Variants in SPATA6 observed in about 807,000 individuals in gnomAD.
The protein encoded by SPATA6 is spermatogenesis-associated protein 6.
Under a neutral mutation model 65.3 loss-of-function variants are expected in SPATA6, and 56 were observed. The ratio of observed to expected loss-of-function variants is 0.86; its 90% CI spans 0.69 to 1.07. The LOEUF is 1.07. SPATA6 is among the 50% of genes least tolerant of loss of function. The probability of loss-of-function intolerance (pLI) is 0.00; values close to 1 mark genes in which losing one functional copy is unlikely to be tolerated. For synonymous variants in SPATA6, 199 were observed against 213.2 expected, an observed-to-expected ratio of 0.93 and a Z score of 0.58; for missense variants, 590 against 594.8, an observed-to-expected ratio of 0.99 and a Z score of 0.08.
rs988871565 is a variant in SPATA6 at position 48,322,955 on chromosome 1, C to A, written c.1195-17077G>T. On this transcript the variant is annotated intron_variant, in intron 11 of 12. Coordinates refer to ENST00000371847, the MANE Select transcript of SPATA6 (RefSeq NM_019073.4). ...GGAGAGGATGTAGAGAAATAGGAAC[C>A]CTTTTACACTGTTGGTAGGAGTGTA... Among the ~76,000 whole-genome samples the A allele has an allele frequency of 5.9e-5, 9 of 152,158 alleles. No individual in the cohort carries two copies. In the East Asian group the frequency reaches 9.7e-4, roughly 16 times the overall value.
At chr1:48,465,904 TAAAC>T (rs1439541571) in intron 1 of SPATA6, among the ~76,000 whole-genome samples, 8 of 152,142 alleles carry the variant, frequency 5.3e-5, no homozygotes, top group African/African-American at 1.9e-4. Context: ...TGTTTATAAA[TAAAC>T]AGATAATTGA....
chr1:48,348,572 C>A (rs544258243), intron 11 of SPATA6, among the ~76,000 whole-genome samples: 1 of 151,954 alleles, frequency 6.6e-6, no homozygotes, highest in East Asian at 1.9e-4. Context: ...CTTTCCCTAC[C>A]CCAGCCCCAG....
At chr1:48,321,104 GAAGAT>G (rs540651803) in intron 11 of SPATA6, among the ~76,000 whole-genome samples, 93 of 152,206 alleles carry the variant, frequency 6.1e-4, no homozygotes, top group Admixed American at 1.6e-3. Flanking sequence ...AGAAAAGAAG[GAAGAT>G]AAGACCACAG....
At position 48,399,572 on chromosome 1, in the gene SPATA6, G is replaced by T; in HGVS notation, c.559C>A (p.Gln187Lys). The change falls in exon 7 of 13, where the codon CAA (glutamine) becomes AAA (lysine). Residue 187 changes from glutamine (Q) to lysine (K), a missense_variant. Gln to Lys is a moderately conservative substitution (Grantham distance 53). Coordinates refer to ENST00000371847, the MANE Select transcript of SPATA6 (RefSeq NM_019073.4). ...GRLQNRTSRS[Q>K]KKKSKSPERS... ...TCAGGTGACTTGGATTTTTTCTTTT[G>T]TGATCTTGATGTTCTGTTTTGCAGT... is the stretch of plus-strand genomic sequence containing the variant. 6.2e-7 allele frequency: 1 copy of T among 1,612,464 alleles called. No homozygotes were observed. The highest frequency in any genetic ancestry group is 1.3e-5 in the African/African-American group (1 of 74,876).
At chr1:48,278,894 T>C in the SPATA6 span, among the ~76,000 whole-genome samples, 3 of 151,998 alleles carry the variant, frequency 2.0e-5, no homozygotes, top group Non-Finnish European at 4.4e-5. Context: ...TTCACCAAAG[T>C]TTAAATAAAG....
intron 9 of SPATA6, among the ~76,000 whole-genome samples, chr1:48,366,584 G>A (rs1465893470): frequency 2.6e-5 from 4 of 152,200 alleles, no homozygotes; most frequent in Non-Finnish European, 5.9e-5. Flanking sequence ...TATTTGCGTA[G>A]AGGTGTTTGT....
downstream of SPATA6, among the ~76,000 whole-genome samples, chr1:48,292,075 AGTTACT>A (rs1344101255): frequency 6.6e-6 from 1 of 152,328 alleles, no homozygotes; most frequent in African/African-American, 2.4e-5. Context: ...CTTTGGGGTC[AGTTACT>A]GTAAGTTTGC....
chr1:48,266,137 G>A, the SPATA6 span, among the ~76,000 whole-genome samples: 13 of 152,160 alleles, frequency 8.5e-5, no homozygotes, highest in Admixed American at 2.6e-4. Flanking sequence ...GACAGAGTAA[G>A]AGCAGAGAAA....
At chr1:48,404,708 C>G (rs1234491839) in intron 5 of SPATA6, among the ~76,000 whole-genome samples, 1 of 152,046 alleles carries the variant, frequency 6.6e-6, no homozygotes, top group African/African-American at 2.4e-5. Flanking sequence ...TTCTTGAAAA[C>G]AGAAAAGATA....
rs878904121 is a variant in SPATA6 at position 48,297,231 on chromosome 1, G to A, written c.*1482C>T. 5 of 150,750 alleles carry A rather than the reference G, an allele frequency of 3.3e-5. No individual in the cohort carries two copies. The highest frequency in any genetic ancestry group is 7.4e-5 in the Non-Finnish European group (5 of 67,840). The allele number at this position is 150,750 out of a possible 1,614,324, so 9.3% of individuals were successfully genotyped here. ...TACATACTTATACCTACATTCCTAC[G>A]ATTATCTCCTAAAACAGTGATCTTG... On this transcript the variant is annotated 3_prime_UTR_variant, in exon 13 of 13. Transcript: ENST00000371847.
Position 48,298,473 on chromosome 1 carries a change from AG to A in SPATA6, c.*239del, listed in dbSNP as rs1644853518. ...CAGAATATCCTTGTCACATATTGGA[AG>A]TTGTGATTGTGTGACAGAGCTCTAA... is the stretch of plus-strand genomic sequence containing the variant. On this transcript the variant is annotated 3_prime_UTR_variant, in exon 13 of 13. Transcript: ENST00000371847. 1 of 349,158 alleles carries A rather than the reference AG, an allele frequency of 2.9e-6. No individual in the cohort carries two copies. The highest frequency in any genetic ancestry group is 2.1e-5 in the African/African-American group (1 of 47,732). The allele number at this position is 349,158 out of a possible 1,614,324, so 21.6% of individuals were successfully genotyped here. A position where few individuals can be genotyped will look rare whatever the true frequency, so the allele number is the denominator to read the frequency against.
At chr1:48,386,385 AAAT>A (rs1484440710) in intron 8 of SPATA6, among the ~76,000 whole-genome samples, 2 of 152,222 alleles carry the variant, frequency 1.3e-5, no homozygotes, top group African/African-American at 2.4e-5. Context: ...ACAGAAAAGA[AAAT>A]AAGAACCAGA....
At chr1:48,457,218 G>A (rs1249796629) in intron 1 of SPATA6, among the ~76,000 whole-genome samples, 2 of 152,142 alleles carry the variant, frequency 1.3e-5, no homozygotes, top group Non-Finnish European at 2.9e-5. Context: ...GATCTCCTGA[G>A]GTCAGGAGTT....
At chr1:48,419,947 C>T (rs564683583) in intron 3 of SPATA6, among the ~76,000 whole-genome samples, 1 of 152,080 alleles carries the variant, frequency 6.6e-6, no homozygotes, top group Admixed American at 6.5e-5. Context: ...TATATTTGGT[C>T]TTCATCCCCC....
intron 11 of SPATA6, among the ~76,000 whole-genome samples, chr1:48,319,539 A>G (rs1198519471): frequency 6.6e-6 from 1 of 152,186 alleles, no homozygotes; most frequent in African/African-American, 2.4e-5. Context: ...CAGAGAAGCC[A>G]TGAAAATCAA....
At chr1:48,314,571 T>C (rs1027490113) in intron 11 of SPATA6, among the ~76,000 whole-genome samples, 10 of 152,148 alleles carry the variant, frequency 6.6e-5, no homozygotes, top group African/African-American at 2.2e-4. Flanking sequence ...TAGCACTAAA[T>C]GCCCACAAGA....
chr1:48,450,135 C>G (rs1233420691), intron 3 of SPATA6, among the ~76,000 whole-genome samples: 1 of 151,526 alleles, frequency 6.6e-6, no homozygotes, highest in Admixed American at 6.6e-5. Flanking sequence ...GGGATAAAGA[C>G]TAACATGGAA....
At chr1:48,408,134 T>C (rs1177616157) in intron 5 of SPATA6, among the ~76,000 whole-genome samples, 1 of 152,248 alleles carries the variant, frequency 6.6e-6, no homozygotes, top group Non-Finnish European at 1.5e-5. Context: ...CTGCTTTTTC[T>C]TGGAATAGGG....
chr1:48,299,879 T>C (rs1156942169), intron 12 of SPATA6, among the ~76,000 whole-genome samples: 1 of 152,160 alleles, frequency 6.6e-6, no homozygotes, highest in Non-Finnish European at 1.5e-5. Context: ...CTTTCTACTA[T>C]GCCATGCTGC....
Sources: allele counts gnomAD v4.1 joint callset (sites outside exome capture counted in the v4.1 genomes callset), GRCh38; gene constraint gnomAD v4.1.1; transcripts MANE v1.5; gene names NCBI Gene and HGNC (gene_info 2026-07-23, HGNC 2026-07-21).